Variants in COL15A1 observed in about 807,000 individuals in gnomAD.
COL15A1 encodes collagen type XV alpha 1 chain, also known as collagen alpha-1(XV) chain.
A neutral mutation model predicts 165.9 loss-of-function variants in COL15A1; 111 were observed. The observed-to-expected ratio is 0.67, with a 90% confidence interval of 0.57 to 0.78. The LOEUF (loss-of-function observed/expected upper bound fraction) is 0.78, where lower values mean the gene tolerates loss of function less well. Ranked by LOEUF, COL15A1 falls within the 30% of genes least tolerant of loss-of-function variation. COL15A1 has a pLI of 0.00. For synonymous variants in COL15A1, 659 were observed against 674.8 expected (o/e 0.98, Z 0.36); for missense variants, 1,745 against 1,789.7 (o/e 0.98, Z 0.45).
At chr9:99,022,197 G>A (rs370647683) in intron 13 of COL15A1, 47 bp downstream of exon 13, 1 of 1,612,320 alleles carries the variant, frequency 6.2e-7, no homozygotes, top group African/African-American at 1.3e-5. Flanking sequence ...GTAAGACCAG[G>A]GATGCGGCCA....
intron 9 of COL15A1, among the ~76,000 whole-genome samples, chr9:99,011,583 T>C (rs911193397): frequency 1.3e-5 from 2 of 152,074 alleles, no homozygotes; most frequent in Non-Finnish European, 2.9e-5. Context: ...ATACATAACC[T>C]TTAAATAAGC....
chr9:99,047,916 C>G (rs1839520387), intron 27 of COL15A1, 25 bp from the exon 28 acceptor site: 2 of 1,609,218 alleles, frequency 1.2e-6, no homozygotes, highest in Admixed American at 1.7e-5. Flanking sequence ...GGAGGGTTTA[C>G]TGAGGTGTCT....
At chr9:99,047,744 A>C in intron 26 of COL15A1, 42 bp from the exon 27 acceptor site, 1 of 1,606,616 alleles carries the variant, frequency 6.2e-7, no homozygotes, top group South Asian at 1.1e-5. Context: ...CTGAACCAAG[A>C]CTTTCTGTTC....
intron 32 of COL15A1, 29 bp downstream of exon 32, chr9:99,054,685 C>G (rs745586140): frequency 5.0e-6 from 8 of 1,590,380 alleles, no homozygotes; most frequent in African/African-American, 1.4e-5. Flanking sequence ...TCAATCTTGC[C>G]TTTGATTTTT....
At chr9:99,009,068 T>C (rs1352219789) in intron 9 of COL15A1, among the ~76,000 whole-genome samples, 1 of 152,278 alleles carries the variant, frequency 6.6e-6, no homozygotes, top group Admixed American at 6.5e-5. Flanking sequence ...ATGTTATTCA[T>C]GAACATTTCA....
chr9:98,979,515 TC>T (rs1343234723), intron 2 of COL15A1, among the ~76,000 whole-genome samples: 4 of 152,224 alleles, frequency 2.6e-5, no homozygotes, highest in Non-Finnish European at 5.9e-5. Flanking sequence ...AATTTTCTAT[TC>T]TTTGCCCATT....
rs1362049328 is a variant in COL15A1 at position 98,987,425 on chromosome 9, G to A, written c.723+57G>A. The stretch of plus-strand genomic sequence containing the variant: ...TGCAACCCCAGCAGCCGCAGCCTGG[G>A]GAGGGCTGGATGCCCAGACAGTGGC... On this transcript the variant is annotated intron_variant, in intron 4 of 41. Coordinates refer to ENST00000375001, the MANE Select transcript of COL15A1 (RefSeq NM_001855.5). 114 of 1,505,820 alleles carry A rather than the reference G, an allele frequency of 7.6e-5. 1 individual carries two copies. Among genetic ancestry groups the A allele is most frequent in the Non-Finnish European group, 1.0e-4 (112 of 1,105,872 alleles). The allele number at this position is 1,505,820 out of a possible 1,614,324, so 93.3% of individuals were successfully genotyped here. A position where few individuals can be genotyped will look rare whatever the true frequency, so the allele number is the denominator to read the frequency against.
intron 2 of COL15A1, among the ~76,000 whole-genome samples, chr9:98,950,544 C>CT (rs1176273865): frequency 2.3e-4 from 20 of 87,310 alleles, no homozygotes; most frequent in African/African-American, 1.0e-3. Flanking sequence ...CCCTTCCCTT[C>CT]CCTTCCCCTT....
At chr9:98,948,021 C>A (rs939699348) in intron 2 of COL15A1, among the ~76,000 whole-genome samples, 2 of 152,106 alleles carry the variant, frequency 1.3e-5, no homozygotes, top group Non-Finnish European at 2.9e-5. Context: ...TCTCTGTAGT[C>A]CTAATTTAAA....
chr9:98,948,187 AG>A (rs1837615083), intron 2 of COL15A1, among the ~76,000 whole-genome samples: 2 of 152,220 alleles, frequency 1.3e-5, no homozygotes, highest in South Asian at 4.1e-4. Context: ...CATAGTTCAC[AG>A]GAAGAAAGAA....
At chr9:99,021,973 T>C (rs1839035505) in intron 12 of COL15A1, 118 bp from the exon 13 acceptor site, 1 of 1,375,304 alleles carries the variant, frequency 7.3e-7, no homozygotes, top group South Asian at 1.2e-5. Flanking sequence ...CAAAGGACAA[T>C]GCCATTTTTC....
intron 28 of COL15A1, among the ~76,000 whole-genome samples, chr9:99,049,340 G>A (rs1399202773): frequency 6.6e-6 from 1 of 152,246 alleles, no homozygotes; most frequent in Non-Finnish European, 1.5e-5. Flanking sequence ...ACTGATAGGG[G>A]AGCCTTAGGC....
chr9:98,995,276 G>A (rs1388391327), intron 5 of COL15A1, among the ~76,000 whole-genome samples: 1 of 152,062 alleles, frequency 6.6e-6, no homozygotes, highest in Non-Finnish European at 1.5e-5. Flanking sequence ...CCTCCCCTGG[G>A]GAGGTGCCTG....
Position 99,049,723 on chromosome 9 carries a change from C to A in COL15A1, c.2827C>A (p.Pro943Thr), listed in dbSNP as rs138584256. 9 of 1,613,908 alleles carry A rather than the reference C, an allele frequency of 5.6e-6. No individual in the cohort carries two copies. Among genetic ancestry groups the A allele is most frequent in the South Asian group, 4.4e-5 (4 of 91,076 alleles). ...PPGLPGPPGP[P>T]GPPGAVINIK... is the part of the protein sequence containing the mutation. ...TGGCTTACCTGGCCCTCCAGGCCCC[C>A]CTGGGCCACCTGGAGCTGTGATTAA... The change falls in exon 29 of 42, where the codon CCT becomes ACT. Residue 943 changes from proline (P) to threonine (T), a missense_variant. Transcript: ENST00000375001.
intron 9 of COL15A1, 110 bp downstream of exon 9, chr9:99,005,160 G>T: frequency 8.8e-7 from 1 of 1,141,528 alleles, no homozygotes; most frequent in African/African-American, 1.6e-5. Context: ...GAGGCACGGG[G>T]ATCTCTGACC....
intron 26 of COL15A1, among the ~76,000 whole-genome samples, chr9:99,045,563 C>T (rs1839480072): frequency 6.6e-6 from 1 of 152,310 alleles, no homozygotes; most frequent in Non-Finnish European, 1.5e-5. Flanking sequence ...AGAACATTCT[C>T]TATGGGTCAG....
Position 99,055,414 on chromosome 9 carries a change from C to T in COL15A1, c.3192+42C>T, listed in dbSNP as rs200653279. ...CCAAGTCATCTACCCCAAAGACTTA[C>T]AGCTTTCCCGGAAGCCCCCAATGGG... On this transcript the variant is annotated intron_variant, in intron 34 of 41. Coordinates refer to ENST00000375001, the MANE Select transcript of COL15A1 (RefSeq NM_001855.5). The T allele has an allele frequency of 7.1e-6, 9 of 1,276,510 alleles. No individual in the cohort carries two copies. In the East Asian group the frequency reaches 2.1e-4, roughly 29 times the overall value. 79.1% of individuals were successfully genotyped at this position (1,276,510 alleles called of 1,614,324 possible).
At chr9:98,962,223 G>A (rs548645851) in intron 2 of COL15A1, among the ~76,000 whole-genome samples, 2 of 152,328 alleles carry the variant, frequency 1.3e-5, no homozygotes, top group South Asian at 4.2e-4. Context: ...ACAGAAATGC[G>A]GTTTGGGGAG....
At position 98,985,952 on chromosome 9, in the gene COL15A1, G is replaced by C. The variant is rs2075662; in HGVS notation, c.488G>C (p.Arg163Pro). Residue 163 changes from arginine to proline, a missense_variant, in exon 3 of 42, where the codon CGC (arginine) becomes CCC (proline). Arg to Pro is a moderately radical substitution (Grantham distance 103). Transcript: ENST00000375001. ...CCTGTGATGACCCACAGGTGGAACCGCTTCGCCATGATTGTCCAGGGTGAG... is the reference window on the plus strand; with the variant it reads ...CCTGTGATGACCCACAGGTGGAACCCCTTCGCCATGATTGTCCAGGGTGAG... ...SVPVMTHRWN[R>P]FAMIVQGEEV... 1.2e-6 allele frequency: 2 copies of C among 1,613,754 alleles called. No individual in the cohort carries two copies. Among genetic ancestry groups the C allele is most frequent in the Non-Finnish European group, 1.7e-6 (2 of 1,179,982 alleles).
Sources: allele counts gnomAD v4.1 joint callset (sites outside exome capture counted in the v4.1 genomes callset), GRCh38; gene constraint gnomAD v4.1.1; transcripts MANE v1.5; gene names NCBI Gene and HGNC (gene_info 2026-07-23, HGNC 2026-07-21).